PRKCE: variants seen among roughly 807,000 people sequenced by gnomAD.
PRKCE encodes the protein protein kinase C epsilon.
PRKCE carries 16 observed loss-of-function variants against 85.4 expected under a neutral mutation model. The ratio of observed to expected loss-of-function variants is 0.19; its 90% CI spans 0.13 to 0.28. The LOEUF is 0.28. Among genes scored for constraint, PRKCE ranks in the 10% least tolerant of loss-of-function variants. The probability of loss-of-function intolerance (pLI) is 1.00; values close to 1 mark genes in which losing one functional copy is unlikely to be tolerated. For synonymous variants in PRKCE, 388 were observed against 371.5 expected (o/e 1.04, Z -0.51); for missense variants, 573 against 975.2 (o/e 0.59, Z 5.49).
intron 10 of PRKCE, among the ~76,000 whole-genome samples, chr2:46,043,463 T>A (rs1708335551): frequency 6.6e-6 from 1 of 152,210 alleles, no homozygotes; most frequent in African/African-American, 2.4e-5. Flanking sequence ...TTTAATATAT[T>A]ATGTTACAAA....
chr2:45,871,005 C>T (rs1046725584), intron 2 of PRKCE, among the ~76,000 whole-genome samples: 12 of 152,186 alleles, frequency 7.9e-5, no homozygotes, highest in Admixed American at 5.9e-4. Context: ...GGGCAAACAG[C>T]GGGGCCTGGT....
At chr2:45,848,310 A>AT (rs11378500) in intron 2 of PRKCE, among the ~76,000 whole-genome samples, 54,876 of 150,374 alleles carry the variant, frequency 0.36, 10,079 homozygotes, top group East Asian at 0.46. Flanking sequence ...TTAGCAATTC[A>AT]TTTTTTTTTT....
At chr2:45,833,543 C>T (rs1312232868) in intron 1 of PRKCE, among the ~76,000 whole-genome samples, 2 of 152,236 alleles carry the variant, frequency 1.3e-5, no homozygotes, top group African/African-American at 4.8e-5. Flanking sequence ...CCTCCCAACA[C>T]TCTGAAGCAG....
intron 14 of PRKCE, among the ~76,000 whole-genome samples, chr2:46,172,105 C>T (rs866783564): frequency 5.3e-5 from 8 of 152,332 alleles, no homozygotes; most frequent in Non-Finnish European, 7.3e-5. Flanking sequence ...GTGGGCTCAA[C>T]GGTGGAGAGA....
At chr2:45,709,320 T>C (rs1679403736) in intron 1 of PRKCE, among the ~76,000 whole-genome samples, 1 of 152,236 alleles carries the variant, frequency 6.6e-6, no homozygotes, top group South Asian at 2.1e-4. Flanking sequence ...TTCTCAGCCT[T>C]CCTGGGTCAA....
chr2:45,940,028 C>A (rs1424932780), intron 2 of PRKCE, among the ~76,000 whole-genome samples: 1 of 152,214 alleles, frequency 6.6e-6, no homozygotes, highest in East Asian at 1.9e-4. Context: ...CAGAGAGTCT[C>A]CTTGCTTAGT....
At chr2:46,127,015 T>G (rs1022310619) in intron 11 of PRKCE, among the ~76,000 whole-genome samples, 4 of 152,208 alleles carry the variant, frequency 2.6e-5, no homozygotes, top group African/African-American at 9.7e-5. Flanking sequence ...AGTGCTATTT[T>G]AAGCCTCCAG....
At chr2:45,711,125 C>A (rs1453831883) in intron 1 of PRKCE, among the ~76,000 whole-genome samples, 13 of 151,868 alleles carry the variant, frequency 8.6e-5, no homozygotes. Context: ...CAAAGATTAA[C>A]GTGCAACTCA....
chr2:45,681,561 T>A (rs979578218), intron 1 of PRKCE, among the ~76,000 whole-genome samples: 6 of 152,212 alleles, frequency 3.9e-5, no homozygotes, highest in African/African-American at 1.4e-4. Context: ...TGCTTCCACC[T>A]GTGATTAATG....
Position 46,108,413 on chromosome 2 carries a change from A to G in PRKCE, c.1592+22051A>G, listed in dbSNP as rs1574490456. On this transcript the variant is annotated intron_variant, in intron 11 of 14. Coordinates refer to ENST00000306156, the MANE Select transcript of PRKCE (RefSeq NM_005400.3). ...AGTGAAACAACTCAGACACAGAACAACAAATATAGCATGTCTTCACTTGTA... is the reference window on the plus strand; with the variant it reads ...AGTGAAACAACTCAGACACAGAACAGCAAATATAGCATGTCTTCACTTGTA... 6.6e-5 allele frequency among the ~76,000 whole-genome samples: 10 copies of G among 152,350 alleles called. 1 individual carries two copies. The South Asian group carries it at 2.1e-3, about 32-fold the overall frequency.
At chr2:46,007,177 G>A (rs951952653) in intron 8 of PRKCE, among the ~76,000 whole-genome samples, 2 of 152,244 alleles carry the variant, frequency 1.3e-5, no homozygotes, top group Non-Finnish European at 1.5e-5. Flanking sequence ...GCCAAAGGGG[G>A]CTTTCAGAGA....
intron 2 of PRKCE, among the ~76,000 whole-genome samples, chr2:45,850,165 G>A (rs1001193639): frequency 6.6e-6 from 1 of 152,224 alleles, no homozygotes; most frequent in Non-Finnish European, 1.5e-5. Context: ...TTGGAGAGCA[G>A]AGCTCTTTTG....
chr2:46,020,664 G>C (rs1181572925), intron 10 of PRKCE, among the ~76,000 whole-genome samples: 2 of 152,234 alleles, frequency 1.3e-5, no homozygotes, highest in Non-Finnish European at 2.9e-5. Context: ...ACTGCTGACA[G>C]ATGTAGAGGC....
intron 10 of PRKCE, among the ~76,000 whole-genome samples, chr2:46,074,152 C>T (rs540253299): frequency 5.9e-5 from 9 of 152,038 alleles, no homozygotes; most frequent in Non-Finnish European, 1.2e-4. Flanking sequence ...ATTTGCTTAT[C>T]TTTAAAACAG....
At chr2:45,969,074 G>A (rs1201526983) in intron 2 of PRKCE, among the ~76,000 whole-genome samples, 2 of 151,058 alleles carry the variant, frequency 1.3e-5, no homozygotes, top group African/African-American at 2.4e-5. Context: ...AAACCTTCTG[G>A]AGTTTGAAGT....
chr2:46,074,429 C>CAAAAAAAAAAAAAAAAAAAAAAAACA (rs11287357), intron 10 of PRKCE, among the ~76,000 whole-genome samples: 5 of 93,860 alleles, frequency 5.3e-5, no homozygotes, highest in Non-Finnish European at 1.1e-4. Context: ...CAACAACAAC[C>CAAAAAAAAAAAAAAAAAAAAAAAACA]AAAAAAAAAA....
chr2:46,134,582 G>A (rs1024591431), intron 11 of PRKCE, among the ~76,000 whole-genome samples: 1 of 152,236 alleles, frequency 6.6e-6, no homozygotes, highest in African/African-American at 2.4e-5. Context: ...GCAACAGCCA[G>A]GACTGCAAGT....
At chr2:46,050,348 C>T (rs569519600) in intron 10 of PRKCE, among the ~76,000 whole-genome samples, 1 of 152,346 alleles carries the variant, frequency 6.6e-6, no homozygotes, top group African/African-American at 2.4e-5. Context: ...TTTGCCGAGC[C>T]GTCCCTGCAT....
At chr2:45,732,407 C>T (rs1361112290) in intron 1 of PRKCE, among the ~76,000 whole-genome samples, 1 of 152,142 alleles carries the variant, frequency 6.6e-6, no homozygotes, top group Non-Finnish European at 1.5e-5. Flanking sequence ...GAGTACCTAT[C>T]ATATAACCAG....
Sources: gnomAD v4.1 joint callset for allele counts (sites outside exome capture counted in the v4.1 genomes callset) on GRCh38, gnomAD v4.1.1 for gene constraint, MANE v1.5 for transcripts, NCBI Gene and HGNC (gene_info 2026-07-23, HGNC 2026-07-21) for gene names.